The following ACSM3 variants were observed in gnomAD, a reference collection of about 807,000 sequenced individuals.
ACSM3 encodes the protein acyl-CoA synthetase medium chain family member 3.
A neutral mutation model predicts 74.1 loss-of-function variants in ACSM3; 61 were observed. The observed-to-expected ratio is 0.82, with a 90% CI of 0.67 to 1.02. ACSM3 has a LOEUF of 1.02. Among genes scored for constraint, ACSM3 ranks in the 50% least tolerant of loss-of-function variants. The pLI is 0.00. For missense variants in ACSM3, 660 were observed against 697.0 expected (o/e 0.95, Z 0.60); for synonymous variants, 213 against 241.5 (o/e 0.88, Z 1.09).
intron 1 of ACSM3, among the ~76,000 whole-genome samples, chr16:20,709,460 A>G (rs2079736882): frequency 6.6e-6 from 1 of 152,238 alleles, no homozygotes; most frequent in Non-Finnish European, 1.5e-5. Flanking sequence ...AAGTGTATGC[A>G]GTAAAGCCTA....
intron 7 of ACSM3, 142 bp from the exon 8 acceptor site, chr16:20,784,842 G>A: frequency 4.0e-6 from 3 of 758,136 alleles, no homozygotes; most frequent in Non-Finnish European, 6.0e-6. Context: ...TGTTTATGGG[G>A]TAAAATGGTT....
chr16:20,738,688 C>G, intron 1 of ACSM3: 1 of 570,114 alleles, frequency 1.8e-6, no homozygotes, highest in South Asian at 2.3e-5. Flanking sequence ...AAGGAAGCAG[C>G]AAAGCCAGGT....
intron 1 of ACSM3, chr16:20,711,356 G>C (rs2079743250): frequency 4.8e-6 from 2 of 416,630 alleles, no homozygotes; most frequent in East Asian, 1.1e-4. Flanking sequence ...AATCAAGGCA[G>C]AGGTAACTGA....
At chr16:20,757,190 A>G (rs1417371859) in intron 3 of ACSM3, among the ~76,000 whole-genome samples, 1 of 152,182 alleles carries the variant, frequency 6.6e-6, no homozygotes, top group Non-Finnish European at 1.5e-5. Flanking sequence ...TGGTAGCTTG[A>G]TGGGGATGGC....
Position 20,736,879 on chromosome 16 carries a change from C to T in ACSM3, c.-189-13031C>T, listed in dbSNP as rs765825576. On this transcript the variant is annotated intron_variant, in intron 1 of 3. Coordinates refer to the ACSM3 transcript ENST00000561584. ...ACCCACCTCCAACACCAAATGACTTCCTATGAGAAGTCATTTTCATTTGAC... is the reference window on the plus strand; with the variant it reads ...ACCCACCTCCAACACCAAATGACTTTCTATGAGAAGTCATTTTCATTTGAC... 21 of 1,613,296 alleles carry T rather than the reference C, an allele frequency of 1.3e-5. No individual in the cohort carries two copies. The South Asian group carries it at 2.3e-4, about 18-fold the overall frequency.
chr16:20,737,748 G>A (rs776134948), intron 1 of ACSM3: 7 of 1,613,576 alleles, frequency 4.3e-6, no homozygotes, highest in Middle Eastern at 1.7e-4. Context: ...TCACATGACT[G>A]TTATTTCGAG....
At chr16:20,686,214 AT>A (rs946746898) in intron 1 of ACSM3, among the ~76,000 whole-genome samples, 14 of 151,764 alleles carry the variant, frequency 9.2e-5, no homozygotes, top group African/African-American at 3.2e-4. Flanking sequence ...TTTGAAAAAA[AT>A]TTTTTTAATT....
At chr16:20,735,515 T>C (rs2079861549) in intron 1 of ACSM3, 1 of 151,894 alleles carries the variant, frequency 6.6e-6, no homozygotes, top group African/African-American at 2.4e-5. Context: ...TGCTATAATG[T>C]CAACATCAGG....
intron 3 of ACSM3, among the ~76,000 whole-genome samples, chr16:20,756,179 T>C (rs1291400546): frequency 6.6e-6 from 1 of 151,814 alleles, no homozygotes; most frequent in Non-Finnish European, 1.5e-5. Context: ...AAATGGTATT[T>C]CTAGTTCTAG....
chr16:20,698,385 T>C (rs866252634), intron 1 of ACSM3, among the ~76,000 whole-genome samples: 5 of 152,144 alleles, frequency 3.3e-5, no homozygotes, highest in Non-Finnish European at 5.9e-5. Flanking sequence ...TGTAGCCTAA[T>C]GGATAAGAGC....
intron 1 of ACSM3, chr16:20,737,975 T>C: frequency 6.5e-7 from 1 of 1,547,450 alleles, no homozygotes; most frequent in Non-Finnish European, 8.7e-7. Flanking sequence ...AAAAAAAAAG[T>C]TAAGAAGATA....
intron 1 of ACSM3, among the ~76,000 whole-genome samples, chr16:20,675,006 T>C (rs2020179894): frequency 6.6e-6 from 1 of 151,948 alleles, no homozygotes; most frequent in East Asian, 1.9e-4. Context: ...GTGGAGAAAA[T>C]GGGCCGATAC....
At chr16:20,782,213 G>A (rs1167119536) in intron 7 of ACSM3, among the ~76,000 whole-genome samples, 1 of 152,178 alleles carries the variant, frequency 6.6e-6, no homozygotes, top group Non-Finnish European at 1.5e-5. Flanking sequence ...AACAACCCCC[G>A]TTTCTCTTTG....
chr16:20,737,667 T>C, intron 1 of ACSM3: 1 of 1,561,212 alleles, frequency 6.4e-7, no homozygotes, highest in Non-Finnish European at 8.6e-7. Flanking sequence ...AACAAGTATT[T>C]ACCATTGAAT....
intron 1 of ACSM3, chr16:20,682,455 A>G (rs779844257): frequency 6.2e-7 from 1 of 1,613,176 alleles, no homozygotes; most frequent in Non-Finnish European, 8.5e-7. Flanking sequence ...GCAGGAATGA[A>G]GATGATCCCT....
At position 20,741,044 on chromosome 16, in the gene ACSM3, C is replaced by T. The variant is rs557695550; in HGVS notation, c.-189-8866C>T. Among the ~76,000 whole-genome samples the T allele has an allele frequency of 9.4e-4, 143 of 152,140 alleles. 4 individuals carry two copies. In the South Asian group the frequency reaches 0.028, roughly 30 times the overall value. ...CCTTGAGAGGCAGAGACGGGAGGATCGCTTGAGTGTAGGGTTTAGGACTAC... is the reference window on the plus strand; with the variant it reads ...CCTTGAGAGGCAGAGACGGGAGGATTGCTTGAGTGTAGGGTTTAGGACTAC... On this transcript the variant is annotated intron_variant, in intron 1 of 3. Transcript: ENST00000561584.
intron 1 of ACSM3, among the ~76,000 whole-genome samples, chr16:20,744,094 A>T (rs994213240): frequency 2.6e-5 from 4 of 152,212 alleles, no homozygotes; most frequent in African/African-American, 9.7e-5. Context: ...CCGGCCCAAC[A>T]CAAATTAATA....
At chr16:20,757,646 G>T (rs201881632) in intron 3 of ACSM3, among the ~76,000 whole-genome samples, 18,268 of 146,540 alleles carry the variant, frequency 0.12, 815 homozygotes, top group East Asian at 0.2. Context: ...CTGCCTAATT[G>T]CCCTGGCCAG....
chr16:20,792,421 A>G, intron 12 of ACSM3, 86 bp downstream of exon 12: 2 of 1,576,122 alleles, frequency 1.3e-6, no homozygotes, highest in Admixed American at 1.7e-5. Context: ...AACAGAATTA[A>G]CCAAATGATT....
Sources: gnomAD v4.1 joint callset for allele counts (sites outside exome capture counted in the v4.1 genomes callset) on GRCh38, gnomAD v4.1.1 for gene constraint, MANE v1.5 for transcripts, NCBI Gene and HGNC (gene_info 2026-07-23, HGNC 2026-07-21) for gene names.